HPSE2: variants seen among roughly 807,000 people sequenced by gnomAD.
HPSE2 encodes the protein inactive heparanase-2.
A neutral mutation model predicts 60.5 loss-of-function variants in HPSE2; 38 were observed. The observed-to-expected ratio is 0.63, with a 90% confidence interval of 0.48 to 0.82. HPSE2 has a LOEUF of 0.82. Among genes scored for constraint, HPSE2 ranks in the 40% least tolerant of loss-of-function variants. The pLI is 0.00. For missense variants in HPSE2, 713 were observed against 740.4 expected, an observed-to-expected ratio of 0.96 and a Z score of 0.43; for synonymous variants, 295 against 293.2, an observed-to-expected ratio of 1.01 and a Z score of -0.06.
At chr10:98,552,298 TCA>T (rs1943886238) in intron 9 of HPSE2, among the ~76,000 whole-genome samples, 1 of 51,526 alleles carries the variant, frequency 1.9e-5, no homozygotes, top group African/African-American at 3.3e-5. Context: ...ATGGAGATCA[TCA>T]TCATCATCAT....
intron 9 of HPSE2, among the ~76,000 whole-genome samples, chr10:98,579,836 T>G (rs1056783749): frequency 7.2e-5 from 11 of 152,224 alleles, no homozygotes; most frequent in African/African-American, 2.7e-4. Flanking sequence ...TTTATCATGT[T>G]CTCAGTTTTT....
At chr10:98,941,950 G>T (rs1472405451) in intron 3 of HPSE2, among the ~76,000 whole-genome samples, 2 of 142,310 alleles carry the variant, frequency 1.4e-5, no homozygotes, top group African/African-American at 5.7e-5. Context: ...TCTGATCTTT[G>T]ACAAACCTGA....
chr10:98,546,574 A>G (rs545302582), intron 9 of HPSE2, among the ~76,000 whole-genome samples: 1 of 152,114 alleles, frequency 6.6e-6, no homozygotes, highest in African/African-American at 2.4e-5. Context: ...TATTTAATAA[A>G]TGGTGCTGGG....
chr10:98,550,372 C>A (rs1319781876), intron 9 of HPSE2, among the ~76,000 whole-genome samples: 1 of 151,994 alleles, frequency 6.6e-6, no homozygotes, highest in Non-Finnish European at 1.5e-5. Context: ...TGCCTCACTG[C>A]AACCTCAAAC....
At chr10:98,465,367 G>A (rs778491850) in intron 11 of HPSE2, among the ~76,000 whole-genome samples, 11 of 152,176 alleles carry the variant, frequency 7.2e-5, no homozygotes, top group Non-Finnish European at 1.6e-4. Flanking sequence ...TCAAAGTTTA[G>A]AGGGGTCTAA....
At chr10:98,520,809 A>C (rs1404761469) in intron 9 of HPSE2, among the ~76,000 whole-genome samples, 2 of 152,256 alleles carry the variant, frequency 1.3e-5, no homozygotes, top group Admixed American at 6.5e-5. Flanking sequence ...CAAATGGAAC[A>C]GAACAGAGCC....
intron 3 of HPSE2, among the ~76,000 whole-genome samples, chr10:98,901,727 G>T (rs1953671409): frequency 6.6e-6 from 1 of 152,172 alleles, no homozygotes; most frequent in African/African-American, 2.4e-5. Flanking sequence ...TCTGAGAACT[G>T]ACAGGCTTAG....
intron 3 of HPSE2, among the ~76,000 whole-genome samples, chr10:98,832,767 T>C (rs1195590287): frequency 6.6e-6 from 1 of 152,132 alleles, no homozygotes; most frequent in Non-Finnish European, 1.5e-5. Flanking sequence ...GGGTAAGAAA[T>C]GTGTATATTA....
intron 8 of HPSE2, among the ~76,000 whole-genome samples, chr10:98,617,936 T>C (rs1278649287): frequency 6.6e-6 from 1 of 152,154 alleles, no homozygotes; most frequent in Non-Finnish European, 1.5e-5. Context: ...CCTGGTGAAC[T>C]CAGAGTTACG....
chr10:98,868,258 G>A (rs376776647), intron 3 of HPSE2, among the ~76,000 whole-genome samples: 15 of 151,784 alleles, frequency 9.9e-5, no homozygotes, highest in African/African-American at 3.6e-4. Context: ...GACAAACATC[G>A]CATATTCTCA....
At chr10:98,467,522 G>A (rs1413967728) in intron 11 of HPSE2, among the ~76,000 whole-genome samples, 2 of 152,116 alleles carry the variant, frequency 1.3e-5, no homozygotes, top group African/African-American at 4.8e-5. Flanking sequence ...AAGGAGGAGG[G>A]GCAGGGGAGA....
intron 3 of HPSE2, among the ~76,000 whole-genome samples, chr10:98,965,016 A>G (rs969512456): frequency 1.3e-5 from 2 of 152,090 alleles, no homozygotes; most frequent in Non-Finnish European, 2.9e-5. Flanking sequence ...TTCCAGATAG[A>G]GCCACTTATT....
intron 9 of HPSE2, among the ~76,000 whole-genome samples, chr10:98,520,469 A>ACTATACTGTCT (rs1417843379): frequency 1.3e-5 from 2 of 152,142 alleles, no homozygotes; most frequent in Non-Finnish European, 2.9e-5. Flanking sequence ...TTAAGCGTAG[A>ACTATACTGTCT]CTATACTGTC....
the HPSE2 span, among the ~76,000 whole-genome samples, chr10:99,304,463 T>C: frequency 0.037 from 5,596 of 152,340 alleles, 312 homozygotes; most frequent in African/African-American, 0.11. Context: ...AATAATGCTG[T>C]TTTCTTCTAC....
At chr10:99,047,589 G>A in intron 3 of HPSE2, 1 of 609,972 alleles carries the variant, frequency 1.6e-6, no homozygotes, top group Non-Finnish European at 2.9e-6. Context: ...CTAATAGCCA[G>A]AATCTATAAG....
intron 7 of HPSE2, among the ~76,000 whole-genome samples, chr10:98,622,258 T>C (rs1433336905): frequency 6.6e-6 from 1 of 152,118 alleles, no homozygotes; most frequent in African/African-American, 2.4e-5. Flanking sequence ...ATATTACTTA[T>C]AAAATTGCTC....
At chr10:98,895,645 T>C (rs555093933) in intron 3 of HPSE2, among the ~76,000 whole-genome samples, 8 of 152,178 alleles carry the variant, frequency 5.3e-5, no homozygotes, top group East Asian at 1.9e-4. Flanking sequence ...TGTATGTTTA[T>C]TGCGGCACTA....
intron 10 of HPSE2, among the ~76,000 whole-genome samples, chr10:98,486,848 C>T (rs1003895885): frequency 6.6e-6 from 1 of 152,152 alleles, no homozygotes; most frequent in Non-Finnish European, 1.5e-5. Flanking sequence ...ATTTCAAAGC[C>T]CCTGTGTATT....
chr10:99,083,230 T>C (rs888489529), intron 3 of HPSE2, among the ~76,000 whole-genome samples: 1 of 152,194 alleles, frequency 6.6e-6, no homozygotes, highest in Non-Finnish European at 1.5e-5. Context: ...AGGAGGTCTT[T>C]AGATCAAAAA....
Sources: gnomAD v4.1 joint callset for allele counts (sites outside exome capture counted in the v4.1 genomes callset) on GRCh38, gnomAD v4.1.1 for gene constraint, MANE v1.5 for transcripts, NCBI Gene and HGNC (gene_info 2026-07-23, HGNC 2026-07-21) for gene names.